The following UNC93A variants were observed in gnomAD, a reference collection of about 807,000 sequenced individuals.
UNC93A encodes the protein unc-93 homolog A, also known as N-acetylglucosamine transporter UNC93A.
UNC93A carries 43 observed loss-of-function variants against 47.5 expected under a neutral mutation model. The ratio of observed to expected loss-of-function variants is 0.91; its 90% confidence interval spans 0.71 to 1.17. UNC93A has a LOEUF of 1.17. Among genes scored for constraint, UNC93A ranks in the 50% most tolerant of loss-of-function variants. The pLI is 0.00. For missense variants in UNC93A, 605 were observed against 577.6 expected (o/e 1.05, Z -0.49); for synonymous variants, 280 against 258.0 (o/e 1.09, Z -0.82).
At chr6:167,304,173 T>C (rs753666046) in intron 5 of UNC93A, 40 bp downstream of exon 5, 1 of 1,603,380 alleles carries the variant, frequency 6.2e-7, no homozygotes, top group Non-Finnish European at 8.5e-7. Context: ...AGGCCATGCG[T>C]GGCATCACTG....
chr6:167,289,454 G>C (rs951842575), upstream of UNC93A, among the ~76,000 whole-genome samples: 5 of 152,182 alleles, frequency 3.3e-5, no homozygotes, highest in Admixed American at 1.3e-4. Context: ...GAGGAAAAGA[G>C]AGAAAAAGCA....
At chr6:167,301,312 A>G (rs1778234538) in intron 4 of UNC93A, among the ~76,000 whole-genome samples, 1 of 152,256 alleles carries the variant, frequency 6.6e-6, no homozygotes, top group African/African-American at 2.4e-5. Flanking sequence ...AGTTATGTAG[A>G]GCAGAGATCA....
At chr6:167,307,063 G>A (rs1778418498) in intron 6 of UNC93A, among the ~76,000 whole-genome samples, 1 of 152,150 alleles carries the variant, frequency 6.6e-6, no homozygotes, top group South Asian at 2.1e-4. Flanking sequence ...GAAACCATGG[G>A]CACACTTTGT....
chr6:167,281,409 AG>A (rs1783631688), intron 1 of UNC93A, among the ~76,000 whole-genome samples: 1 of 152,186 alleles, frequency 6.6e-6, no homozygotes, highest in Non-Finnish European at 1.5e-5. Context: ...ATTGGAGTTG[AG>A]GATGAGATGA....
At chr6:167,279,597 T>G (rs570921419) in intron 1 of UNC93A, among the ~76,000 whole-genome samples, 1 of 152,338 alleles carries the variant, frequency 6.6e-6, no homozygotes, top group African/African-American at 2.4e-5. Context: ...TTGCTTATAT[T>G]TTATTCCATG....
chr6:167,293,179 G>T (rs547563027), intron 1 of UNC93A, among the ~76,000 whole-genome samples: 2 of 152,194 alleles, frequency 1.3e-5, no homozygotes, highest in African/African-American at 4.8e-5. Context: ...ATCTGGATGA[G>T]CTCCGCAGCT....
intron 7 of UNC93A, among the ~76,000 whole-genome samples, chr6:167,314,227 TCC>T (rs1491083202): frequency 2.8e-5 from 4 of 143,232 alleles, no homozygotes; most frequent in African/African-American, 7.7e-5. Context: ...CTTTCCACAC[TCC>T]TGTGTGTCTT....
chr6:167,294,768 A>C, intron 2 of UNC93A, 70 bp downstream of exon 2: 15 of 1,492,112 alleles, frequency 1.0e-5, no homozygotes, highest in Non-Finnish European at 1.4e-5. Context: ...CACTCTGCAC[A>C]TGAGTTGCAT....
chr6:167,294,471 G>C (rs747851369), intron 1 of UNC93A, 46 bp from the exon 2 acceptor site: 1 of 1,604,050 alleles, frequency 6.2e-7, no homozygotes, highest in African/African-American at 1.3e-5. Flanking sequence ...GCCTCATCCC[G>C]CTGTGTCCAT....
intron 7 of UNC93A, among the ~76,000 whole-genome samples, chr6:167,309,962 C>T (rs1175769617): frequency 1.3e-5 from 2 of 152,144 alleles, no homozygotes; most frequent in Non-Finnish European, 2.9e-5. Flanking sequence ...CGAGGCCAGG[C>T]CGGGGCATTG....
In UNC93A at chr6:167,294,679, G is replaced by A. The variant is rs766051919; in HGVS notation, c.250G>A (p.Gly84Ser). ...GTGTGGCTACGTGGCCTTCTCCGTG[G>A]GCAACTTCTTCGCCAGCTGGTACGC... Reference protein sequence around the residue: ...SMCGYVAFSVGNFFASWYTLI... With the variant: ...SMCGYVAFSVSNFFASWYTLI... The change falls in exon 2 of 8, where the codon GGC becomes AGC. Residue 84 changes from glycine (G) to serine (S), a missense_variant. Gly to Ser is a moderately conservative substitution (Grantham distance 56). Coordinates refer to ENST00000230256, the MANE Select transcript of UNC93A (RefSeq NM_018974.4). 3 of 1,599,418 alleles carry A rather than the reference G, an allele frequency of 1.9e-6. No homozygotes were observed. Among genetic ancestry groups the A allele is most frequent in the Non-Finnish European group, 2.6e-6 (3 of 1,169,376 alleles).
rs184995171 is a variant in UNC93A, at chr6:167,298,224, G to A, written c.625+154G>A. ...GTATTGGTCTGGATTATATGCAGGCGGTGTTCTTATGAATCAAATGCAGTA... is the reference window on the plus strand; with the variant it reads ...GTATTGGTCTGGATTATATGCAGGCAGTGTTCTTATGAATCAAATGCAGTA... On this transcript the variant is annotated intron_variant, in intron 4 of 7. Coordinates refer to ENST00000230256, the MANE Select transcript of UNC93A (RefSeq NM_018974.4). 4,992 of 1,236,282 alleles carry A rather than the reference G, an allele frequency of 4.0e-3. 15 individuals carry two copies. Among genetic ancestry groups the A allele is most frequent in the Non-Finnish European group, 5.0e-3 (4,590 of 923,780 alleles). 76.6% of individuals were successfully genotyped at this position (1,236,282 alleles called of 1,614,324 possible). A position where few individuals can be genotyped will look rare whatever the true frequency, so the allele number is the denominator to read the frequency against.
At chr6:167,283,175 G>T (rs576496824) in intron 1 of UNC93A, among the ~76,000 whole-genome samples, 3 of 152,180 alleles carry the variant, frequency 2.0e-5, no homozygotes, top group Non-Finnish European at 4.4e-5. Flanking sequence ...ACACAGCTTT[G>T]CAGGGCCATT....
chr6:167,273,812 C>T (rs111770436), intron 1 of UNC93A, among the ~76,000 whole-genome samples: 9,304 of 150,604 alleles, frequency 0.062, 966 homozygotes, highest in African/African-American at 0.22. Context: ...TGAAAGAGTT[C>T]ATCTAAAGAC....
At chr6:167,306,169 C>T (rs1277835805) in intron 6 of UNC93A, 119 bp downstream of exon 6, 31 of 1,378,600 alleles carry the variant, frequency 2.2e-5, no homozygotes, top group South Asian at 9.0e-5. Context: ...AAATCAGTAA[C>T]GCCCTGTAAG....
chr6:167,276,926 G>A (rs1033743505), intron 1 of UNC93A, among the ~76,000 whole-genome samples: 2 of 152,194 alleles, frequency 1.3e-5, no homozygotes, highest in Non-Finnish European at 2.9e-5. Flanking sequence ...TGCAGCCCAC[G>A]CTGGCTGTCT....
At chr6:167,301,647 G>A (rs1778244079) in intron 4 of UNC93A, among the ~76,000 whole-genome samples, 1 of 152,166 alleles carries the variant, frequency 6.6e-6, no homozygotes, top group Non-Finnish European at 1.5e-5. Context: ...GAACAAAGGG[G>A]TGTGGCTTCT....
At chr6:167,291,613 T>C (rs2115109842) in intron 1 of UNC93A, 37 bp downstream of exon 1, 1 of 1,573,586 alleles carries the variant, frequency 6.4e-7, no homozygotes, top group Non-Finnish European at 8.6e-7. Context: ...CTGAACTTCT[T>C]GGCCTCCAAG....
Position 167,291,511 on chromosome 6 carries a change from G to A in UNC93A, c.22G>A (p.Val8Ile), listed in dbSNP as rs745340440. 30 of 1,613,770 alleles carry A rather than the reference G, an allele frequency of 1.9e-5. No individual in the cohort carries two copies. The highest frequency in any genetic ancestry group is 6.6e-5 in the South Asian group (6 of 90,996). ...CACAATGGACAGAAGTCTAAGGAACGTCCTTGTGGTTTCCTTTGGGTTCCT... is the reference window on the plus strand; with the variant it reads ...CACAATGGACAGAAGTCTAAGGAACATCCTTGTGGTTTCCTTTGGGTTCCT... Reference protein sequence around the residue: MDRSLRNVLVVSFGFLLL... With the variant: MDRSLRNILVVSFGFLLL... Residue 8 changes from valine (V) to isoleucine (I), a missense_variant, in exon 1 of 8, where the codon GTC becomes ATC. Coordinates refer to ENST00000230256, the MANE Select transcript of UNC93A (RefSeq NM_018974.4).
Sources: allele counts gnomAD v4.1 joint callset (sites outside exome capture counted in the v4.1 genomes callset), GRCh38; gene constraint gnomAD v4.1.1; transcripts MANE v1.5; gene names NCBI Gene and HGNC (gene_info 2026-07-23, HGNC 2026-07-21).